The following CYYR1 variants were observed in gnomAD, a reference collection of about 807,000 sequenced individuals.
The protein encoded by CYYR1 is cysteine and tyrosine rich 1.
CYYR1 carries 14 observed loss-of-function variants against 15.2 expected under a neutral mutation model. That is an observed-to-expected ratio of 0.92 (90% CI 0.61 to 1.44). The LOEUF (loss-of-function observed/expected upper bound fraction) is 1.44. Ranked by LOEUF, CYYR1 falls within the 40% of genes most tolerant of loss-of-function variation. CYYR1 has a pLI of 0.00. For synonymous variants in CYYR1, 80 were observed against 77.4 expected, an observed-to-expected ratio of 1.03 and a Z score of -0.18; for missense variants, 228 against 209.5, an observed-to-expected ratio of 1.09 and a Z score of -0.54.
intron 3 of CYYR1, among the ~76,000 whole-genome samples, chr21:26,471,902 T>C (rs2065038624): frequency 6.6e-6 from 1 of 152,174 alleles, no homozygotes; most frequent in Non-Finnish European, 1.5e-5. Context: ...CTGTCTACAA[T>C]ATTAAAACAT....
intron 2 of CYYR1, among the ~76,000 whole-genome samples, chr21:26,504,549 A>G (rs2065529335): frequency 6.6e-6 from 1 of 152,160 alleles, no homozygotes; most frequent in African/African-American, 2.4e-5. Flanking sequence ...AGGTGTATAT[A>G]TTTATGGAGT....
intron 2 of CYYR1, among the ~76,000 whole-genome samples, chr21:26,487,945 A>C (rs2123429586): frequency 7.1e-6 from 1 of 141,278 alleles, no homozygotes; most frequent in South Asian, 2.3e-4. Flanking sequence ...GTAAAATCCA[A>C]ATATGCTAAT....
intron 2 of CYYR1, among the ~76,000 whole-genome samples, chr21:26,542,669 A>T (rs1440230785): frequency 1.3e-5 from 2 of 152,222 alleles, no homozygotes; most frequent in Non-Finnish European, 2.9e-5. Flanking sequence ...AAAGGCATAC[A>T]GATCAGAAAG....
At chr21:26,485,220 C>T (rs2065234406) in intron 2 of CYYR1, among the ~76,000 whole-genome samples, 1 of 151,952 alleles carries the variant, frequency 6.6e-6, no homozygotes, top group Admixed American at 6.6e-5. Context: ...ATTATAAATT[C>T]ACGGGAAGTG....
intron 2 of CYYR1, among the ~76,000 whole-genome samples, chr21:26,523,021 T>C (rs1396653207): frequency 6.6e-6 from 1 of 152,178 alleles, no homozygotes; most frequent in Non-Finnish European, 1.5e-5. Flanking sequence ...TGAGGAAATA[T>C]TGAAAATGGT....
At position 26,487,501 on chromosome 21, in the gene CYYR1, TTC is replaced by T. The variant is rs577201285; in HGVS notation, c.177-7074_177-7073del. Among the ~76,000 whole-genome samples, 195 of 152,224 alleles carry T rather than the reference TTC, an allele frequency of 1.3e-3. 1 individual carries two copies. Among genetic ancestry groups the T allele is most frequent in the Middle Eastern group, 3.4e-3 (1 of 294 alleles). On this transcript the variant is annotated intron_variant, in intron 2 of 3. Coordinates refer to ENST00000652641, the MANE Select transcript of CYYR1 (RefSeq NM_001320768.2). ...ATCATCCTACTTCCTCAATAATTCATTCTTTTGGCCAATTCATTAAAATACTG... is the reference window on the plus strand; with the variant it reads ...ATCATCCTACTTCCTCAATAATTCATTTTTGGCCAATTCATTAAAATACTG...
At chr21:26,489,339 T>C (rs1374161469) in intron 2 of CYYR1, among the ~76,000 whole-genome samples, 3 of 152,192 alleles carry the variant, frequency 2.0e-5, no homozygotes, top group Admixed American at 2.0e-4. Context: ...AGTTCAATGG[T>C]AAATGCTTTG....
At chr21:26,563,821 T>G (rs1182293308) in intron 2 of CYYR1, among the ~76,000 whole-genome samples, 2 of 152,160 alleles carry the variant, frequency 1.3e-5, no homozygotes, top group African/African-American at 2.4e-5. Flanking sequence ...TTGCAAACAC[T>G]CTAAAATGCC....
chr21:26,501,194 T>C (rs1432083326), intron 2 of CYYR1, among the ~76,000 whole-genome samples: 3 of 152,088 alleles, frequency 2.0e-5, no homozygotes, highest in East Asian at 1.9e-4. Context: ...AAAAATTAGC[T>C]GGGCGTGGTG....
chr21:26,525,820 A>C (rs183919529), intron 2 of CYYR1, among the ~76,000 whole-genome samples: 10 of 152,296 alleles, frequency 6.6e-5, no homozygotes, highest in Admixed American at 6.5e-4. Flanking sequence ...ATTGCTACTT[A>C]TTATTTTTTA....
chr21:26,519,083 ATC>A (rs1234483811), intron 2 of CYYR1, among the ~76,000 whole-genome samples: 1 of 152,200 alleles, frequency 6.6e-6, no homozygotes, highest in Non-Finnish European at 1.5e-5. Context: ...TAATAAGAAA[ATC>A]TTAGGCTGTA....
chr21:26,526,616 C>T (rs546395803), intron 2 of CYYR1, among the ~76,000 whole-genome samples: 7 of 152,194 alleles, frequency 4.6e-5, no homozygotes, highest in South Asian at 2.1e-4. Context: ...AAATAATTAA[C>T]GGTTTCAAAA....
intron 2 of CYYR1, among the ~76,000 whole-genome samples, chr21:26,538,762 C>A (rs1389483096): frequency 1.3e-5 from 2 of 152,118 alleles, no homozygotes; most frequent in Non-Finnish European, 2.9e-5. Flanking sequence ...TATCCAAATA[C>A]CTGTGTCTAG....
chr21:26,467,144 A>T lies in CYYR1; in HGVS notation c.*1357T>A, dbSNP rs1211606273. ...GATGATATTGGATTAAGCATTTTAG[A>T]TTTAATTGTAAAATGACACAAAAAT... On this transcript the variant is annotated 3_prime_UTR_variant, in exon 4 of 4. Coordinates refer to ENST00000652641, the MANE Select transcript of CYYR1 (RefSeq NM_001320768.2). The T allele has an allele frequency of 6.6e-6, 1 of 152,118 alleles. No individual in the cohort carries two copies. Among genetic ancestry groups the T allele is most frequent in the Non-Finnish European group, 1.5e-5 (1 of 68,006 alleles). 9.4% of individuals were successfully genotyped at this position (152,118 alleles called of 1,614,324 possible).
Position 26,480,400 on chromosome 21 carries a change from C to T in CYYR1, c.206G>A (p.Gly69Glu). ...SGTAIAGIVF[G>E]IVFIMGVIAG... Reference sequence around the variant, plus strand: ...AATGACCCCCATGATAAATACTATTCCAAAAACAATGCCCGCAATTGCAGT... The same window carrying T: ...AATGACCCCCATGATAAATACTATTTCAAAAACAATGCCCGCAATTGCAGT... Residue 69 changes from glycine to glutamate, a missense_variant, in exon 3 of 4, where the codon GGA (glycine) becomes GAA (glutamate). By Grantham distance (98) the Gly-to-Glu change is moderately conservative (BLOSUM62 -2). Transcript: ENST00000652641. The T allele has an allele frequency of 1.2e-6, 2 of 1,612,542 alleles. No homozygotes were observed. Among genetic ancestry groups the T allele is most frequent in the Non-Finnish European group, 8.5e-7 (1 of 1,179,358 alleles).
In CYYR1 at chr21:26,523,527, T is replaced by C. The variant is rs143249832; in HGVS notation, c.176+42739A>G. Among the ~76,000 whole-genome samples the C allele has an allele frequency of 2.1e-3, 327 of 152,330 alleles. 1 individual carries two copies. Among genetic ancestry groups the C allele is most frequent in the African/African-American group, 7.5e-3 (311 of 41,576 alleles). On this transcript the variant is annotated intron_variant, in intron 2 of 3. Coordinates refer to ENST00000652641, the MANE Select transcript of CYYR1 (RefSeq NM_001320768.2). ...CTGCATTGCGGTCTGCCGGACTCTG[T>C]GTCATCTGACCTATGTCAACTTCTT...
chr21:26,549,245 T>G (rs1452790850), intron 2 of CYYR1, among the ~76,000 whole-genome samples: 1 of 152,166 alleles, frequency 6.6e-6, no homozygotes, highest in East Asian at 1.9e-4. Context: ...CAATAAATTT[T>G]GGGGTTCTGC....
chr21:26,556,518 G>A (rs565958435), intron 2 of CYYR1, among the ~76,000 whole-genome samples: 1 of 152,150 alleles, frequency 6.6e-6, no homozygotes, highest in Non-Finnish European at 1.5e-5. Flanking sequence ...ATAAAGAAAA[G>A]AGGCTTAATT....
chr21:26,501,107 A>G (rs1450952085), intron 2 of CYYR1, among the ~76,000 whole-genome samples: 1 of 152,184 alleles, frequency 6.6e-6, no homozygotes, highest in Non-Finnish European at 1.5e-5. Flanking sequence ...TGGGAGGCCA[A>G]GGCAGGCAGA....
Sources: allele counts gnomAD v4.1 joint callset (sites outside exome capture counted in the v4.1 genomes callset), GRCh38; gene constraint gnomAD v4.1.1; transcripts MANE v1.5; gene names NCBI Gene and HGNC (gene_info 2026-07-23, HGNC 2026-07-21).